The following RAD51B variants were observed in gnomAD, a reference collection of about 807,000 sequenced individuals.
RAD51B encodes DNA repair protein RAD51 homolog 2.
A neutral mutation model predicts 42.2 loss-of-function variants in RAD51B; 38 were observed. The ratio of observed to expected loss-of-function variants is 0.90; its 90% CI spans 0.70 to 1.18. The LOEUF (loss-of-function observed/expected upper bound fraction) is 1.18. Ranked by LOEUF, RAD51B falls within the 50% of genes most tolerant of loss-of-function variation. RAD51B has a pLI of 0.00. For missense variants in RAD51B, 373 were observed against 400.7 expected (o/e 0.93, Z 0.59); for synonymous variants, 154 against 145.2 (o/e 1.06, Z -0.43).
intron 7 of RAD51B, among the ~76,000 whole-genome samples, chr14:68,267,962 A>G (rs1364521792): frequency 3.9e-5 from 6 of 152,204 alleles, no homozygotes; most frequent in Admixed American, 1.3e-4. Context: ...TGTGCTGCAG[A>G]CTTCCATGCA....
chr14:67,875,285 C>T lies in RAD51B; in HGVS notation c.452+10146C>T, dbSNP rs911010082. Among the ~76,000 whole-genome samples, 5 of 152,216 alleles carry T rather than the reference C, an allele frequency of 3.3e-5. No homozygotes were observed. In the East Asian group the frequency reaches 7.7e-4, roughly 23 times the overall value. ...TAACTTAGTATACAAAGGAGAGGTA[C>T]TTGTATTGGTAGTGTGTGGGAGCAA... On this transcript the variant is annotated intron_variant, in intron 5 of 10. Coordinates refer to ENST00000471583, the MANE Select transcript of RAD51B (RefSeq NM_133510.4).
intron 10 of RAD51B, among the ~76,000 whole-genome samples, chr14:68,502,767 T>A (rs899987139): frequency 6.6e-6 from 1 of 152,144 alleles, no homozygotes; most frequent in Non-Finnish European, 1.5e-5. Flanking sequence ...CGGTGCCTAT[T>A]CAAGGGCTCC....
intron 10 of RAD51B, among the ~76,000 whole-genome samples, chr14:68,578,674 T>C (rs1890075400): frequency 6.6e-6 from 1 of 152,192 alleles, no homozygotes; most frequent in East Asian, 1.9e-4. Context: ...GGAGACCAAG[T>C]TGGAAGGAAT....
At chr14:68,103,680 G>C (rs141672310) in intron 7 of RAD51B, among the ~76,000 whole-genome samples, 2 of 152,162 alleles carry the variant, frequency 1.3e-5, no homozygotes, top group Admixed American at 1.3e-4. Context: ...GATTTCATTA[G>C]AGGATAGACT....
intron 8 of RAD51B, among the ~76,000 whole-genome samples, chr14:68,356,595 C>T (rs2082909789): frequency 6.6e-6 from 1 of 151,902 alleles, no homozygotes; most frequent in Non-Finnish European, 1.5e-5. Context: ...GAGTTATAAT[C>T]TTGCTGGTGA....
chr14:68,427,770 G>A (rs2084889218), intron 9 of RAD51B, among the ~76,000 whole-genome samples: 1 of 152,204 alleles, frequency 6.6e-6, no homozygotes, highest in South Asian at 2.1e-4. Context: ...ACACTTTGCA[G>A]CTATTGGGAT....
intron 8 of RAD51B, among the ~76,000 whole-genome samples, chr14:68,328,342 C>T (rs905950788): frequency 1.3e-5 from 2 of 152,190 alleles, no homozygotes; most frequent in Admixed American, 1.3e-4. Context: ...AAACTTTTCT[C>T]CTGTGCATTG....
chr14:68,033,815 C>T (rs1452699969), intron 7 of RAD51B, among the ~76,000 whole-genome samples: 2 of 152,124 alleles, frequency 1.3e-5, no homozygotes, highest in Non-Finnish European at 2.9e-5. Flanking sequence ...TGAATCATCC[C>T]AGACAGGGAT....
intron 11 of RAD51B, among the ~76,000 whole-genome samples, chr14:68,680,940 A>G (rs1379388509): frequency 1.3e-5 from 2 of 152,000 alleles, no homozygotes; most frequent in Non-Finnish European, 2.9e-5. Context: ...GTGTTTTTTT[A>G]AGAGTTAAGC....
chr14:68,001,783 C>T (rs1274398396), intron 7 of RAD51B, among the ~76,000 whole-genome samples: 5 of 152,088 alleles, frequency 3.3e-5, no homozygotes, highest in Admixed American at 6.6e-5. Flanking sequence ...TACTTACAAG[C>T]GAGAACATGT....
At chr14:68,629,529 G>T (rs1892176072) in intron 10 of RAD51B, among the ~76,000 whole-genome samples, 1 of 152,194 alleles carries the variant, frequency 6.6e-6, no homozygotes, top group South Asian at 2.1e-4. Flanking sequence ...TCATACCCCA[G>T]CTTGCGAACA....
intron 7 of RAD51B, among the ~76,000 whole-genome samples, chr14:68,227,172 G>T (rs1413953345): frequency 6.6e-6 from 1 of 152,216 alleles, no homozygotes; most frequent in African/African-American, 2.4e-5. Context: ...TATCCTCCAA[G>T]GTTTGGAGTC....
rs2081524164 is a variant in RAD51B at position 68,291,904 on chromosome 14, T to A, written c.777T>A (p.Ile259=). ...FSIPVILTNQ[I]TTHLSGALAS... is the part of the protein sequence containing the mutation. The stretch of plus-strand genomic sequence containing the variant: ...CACAGGTTATCTTGACGAATCAGAT[T>A]ACAACCCATCTGAGTGGAGCCCTGG... The change falls in exon 8 of 11, where the codon ATT becomes ATA. Residue 259 remains isoleucine, a synonymous_variant. Transcript: ENST00000471583. 1 of 1,613,616 alleles carries A rather than the reference T, an allele frequency of 6.2e-7. No homozygotes were observed. The highest frequency in any genetic ancestry group is 1.1e-5 in the South Asian group (1 of 91,066).
intron 8 of RAD51B, among the ~76,000 whole-genome samples, chr14:68,322,354 A>C (rs753425860): frequency 5.3e-5 from 8 of 152,172 alleles, no homozygotes; most frequent in African/African-American, 1.9e-4. Flanking sequence ...ATTTTGGCCA[A>C]ACTGACCAAT....
chr14:67,965,425 C>T (rs1330111039), intron 7 of RAD51B, among the ~76,000 whole-genome samples: 1 of 152,090 alleles, frequency 6.6e-6, no homozygotes, highest in African/African-American at 2.4e-5. Context: ...TACTTTTAAC[C>T]TTTCCATTTT....
chr14:68,365,569 G>A (rs1006200992), intron 8 of RAD51B, among the ~76,000 whole-genome samples: 3 of 152,224 alleles, frequency 2.0e-5, no homozygotes, highest in African/African-American at 7.2e-5. Context: ...CAAAGCTTGA[G>A]ATTAAAACCT....
intron 10 of RAD51B, among the ~76,000 whole-genome samples, chr14:68,529,451 G>A (rs2140345559): frequency 6.6e-6 from 1 of 152,350 alleles, no homozygotes; most frequent in Non-Finnish European, 1.5e-5. Context: ...GTAAGGTGGA[G>A]CTTACTAGGA....
intron 10 of RAD51B, among the ~76,000 whole-genome samples, chr14:68,617,674 C>T (rs1377193032): frequency 6.6e-6 from 1 of 152,200 alleles, no homozygotes; most frequent in Non-Finnish European, 1.5e-5. Flanking sequence ...GCTGTAAAGT[C>T]CAGAATGTGC....
intron 7 of RAD51B, among the ~76,000 whole-genome samples, chr14:68,153,922 C>T (rs2078444564): frequency 6.6e-6 from 1 of 152,150 alleles, no homozygotes; most frequent in Non-Finnish European, 1.5e-5. Context: ...TTATTCTCCA[C>T]CTGTTTAAGC....
Sources: gnomAD v4.1 joint callset for allele counts (sites outside exome capture counted in the v4.1 genomes callset) on GRCh38, gnomAD v4.1.1 for gene constraint, MANE v1.5 for transcripts, NCBI Gene and HGNC (gene_info 2026-07-23, HGNC 2026-07-21) for gene names.